RNF114: variants seen among roughly 807,000 people sequenced by gnomAD.
RNF114 encodes the protein E3 ubiquitin-protein ligase RNF114.
A neutral mutation model predicts 28.4 loss-of-function variants in RNF114; 6 were observed. The ratio of observed to expected loss-of-function variants is 0.21; its 90% CI spans 0.12 to 0.42. The LOEUF is 0.42. RNF114 is among the 10% of genes least tolerant of loss of function. The pLI, the probability that RNF114 is intolerant of heterozygous loss-of-function variation, is 1.00. For synonymous variants in RNF114, 115 were observed against 116.7 expected (o/e 0.99, Z 0.09); for missense variants, 249 against 311.7 (o/e 0.80, Z 1.51).
intron 4 of RNF114, among the ~76,000 whole-genome samples, chr20:49,947,096 T>G (rs1445500630): frequency 6.6e-6 from 1 of 151,674 alleles, no homozygotes; most frequent in Non-Finnish European, 1.5e-5. Flanking sequence ...GGCGGGCGCC[T>G]TTAATCCCAG....
chr20:49,952,144 A>ATCTGGTCTCC lies in RNF114; in HGVS notation c.*3_*4insTCTGGTCTCC. 6.2e-7 allele frequency: 1 copy of ATCTGGTCTCC among 1,613,090 alleles called. No homozygotes were observed. Among genetic ancestry groups the ATCTGGTCTCC allele is most frequent in the South Asian group, 1.1e-5 (1 of 91,060 alleles). ...AGCGCTCCATCATCGACCAGTGAGC[A>ATCTGGTCTCC]GAGTCCGTGCTTGCTATCTGTCTCA... On this transcript the variant is annotated 3_prime_UTR_variant, in exon 6 of 6. Transcript: ENST00000244061.
chr20:49,952,107 A>T lies in RNF114; in HGVS notation c.653A>T (p.Asn218Ile), dbSNP rs34356460. 1,725 of 1,613,644 alleles carry T rather than the reference A, an allele frequency of 1.1e-3. 19 individuals are homozygous for T. The African/African-American group carries it at 0.02, about 19-fold the overall frequency. Residue 218 changes from asparagine (N) to isoleucine (I), a missense_variant, in exon 6 of 6, where the codon AAT becomes ATT. Physicochemically the swap from Asn to Ile is moderately radical, Grantham distance 149. Coordinates refer to ENST00000244061, the MANE Select transcript of RNF114 (RefSeq NM_018683.4). ...GATGTTGATGAAGAGGACATGATGA[A>T]TCAGGTGTTGCAGCGCTCCATCATC... ...DYDVDEEDMM[N>I]QVLQRSIIDQ is the part of the protein sequence containing the mutation.
intron 2 of RNF114, chr20:49,942,118 GTGT>G (rs1031157062): frequency 6.0e-6 from 1 of 167,782 alleles, no homozygotes; most frequent in Non-Finnish European, 1.3e-5. Context: ...AATTAGCCGG[GTGT>G]GGTGGTATGT....
chr20:49,945,596 G>A (rs2090327257), intron 3 of RNF114, 108 bp downstream of exon 3: 2 of 662,196 alleles, frequency 3.0e-6, no homozygotes, highest in Non-Finnish European at 5.5e-6. Flanking sequence ...GGCTAAAGCT[G>A]ATACAAGTAT....
intron 1 of RNF114, among the ~76,000 whole-genome samples, chr20:49,938,089 C>G (rs2090294560): frequency 6.6e-6 from 1 of 152,194 alleles, no homozygotes; most frequent in African/African-American, 2.4e-5. Context: ...AAGCAAGCTT[C>G]ACGAGAGTTG....
intron 1 of RNF114, among the ~76,000 whole-genome samples, chr20:49,937,887 C>G (rs1034564862): frequency 4.6e-5 from 7 of 152,184 alleles, no homozygotes; most frequent in Non-Finnish European, 8.8e-5. Context: ...GGAATGGCCT[C>G]TGTGTGCCAG....
Position 49,953,792 on chromosome 20 carries a change from G to A in RNF114, c.*1651G>A, listed in dbSNP as rs2090365805. ...CTTCCTTGTATTAAGTGCACTTCTT[G>A]TATTTCTAATAAGATGACTTTCCAG... On this transcript the variant is annotated 3_prime_UTR_variant, in exon 6 of 6. Coordinates refer to ENST00000244061, the MANE Select transcript of RNF114 (RefSeq NM_018683.4). 2 of 152,026 alleles carry A rather than the reference G, an allele frequency of 1.3e-5. No individual in the cohort carries two copies. 9.4% of individuals were successfully genotyped at this position (152,026 alleles called of 1,614,324 possible).
rs367972337 is a variant in RNF114 at position 49,952,068 on chromosome 20, G to T, written c.622-8G>T. The T allele has an allele frequency of 3.7e-6, 6 of 1,611,010 alleles. No individual in the cohort carries two copies. In the African/African-American group the frequency reaches 8.0e-5, roughly 22 times the overall value. Reference sequence around the variant, plus strand: ...TTGCTGAGGCTGCATGTCTCTTTTTGCCCTTAGGATTATGATGTTGATGAA... The same window carrying T: ...TTGCTGAGGCTGCATGTCTCTTTTTTCCCTTAGGATTATGATGTTGATGAA... On this transcript the variant is annotated splice_region_variant and splice_polypyrimidine_tract_variant and intron_variant, in intron 5 of 5. Coordinates refer to ENST00000244061, the MANE Select transcript of RNF114 (RefSeq NM_018683.4).
intron 2 of RNF114, chr20:49,943,873 G>GAGATATATAT (rs367806875): frequency 2.5e-5 from 3 of 122,134 alleles, no homozygotes; most frequent in Non-Finnish European, 5.0e-5. Flanking sequence ...TACACACAGA[G>GAGATATATAT]ATATATATAT....
chr20:49,942,697 G>GC (rs1170695021), intron 2 of RNF114, among the ~76,000 whole-genome samples: 3 of 152,086 alleles, frequency 2.0e-5, no homozygotes, highest in Non-Finnish European at 4.4e-5. Context: ...GGTGGTGTGT[G>GC]CCCGTAGTCT....
chr20:49,949,133 C>T, intron 4 of RNF114, 115 bp from the exon 5 acceptor site: 3 of 793,350 alleles, frequency 3.8e-6, no homozygotes, highest in Non-Finnish European at 6.6e-6. Context: ...AGTTACTGGC[C>T]CTGGACAGTA....
chr20:49,945,566 G>A (rs1448508627), intron 3 of RNF114, 78 bp downstream of exon 3: 9 of 683,922 alleles, frequency 1.3e-5, no homozygotes, highest in African/African-American at 1.3e-4. Flanking sequence ...CAGGGGTTTA[G>A]TTGTATGAAT....
At chr20:49,946,660 C>A (rs997001966) in intron 4 of RNF114, among the ~76,000 whole-genome samples, 1 of 152,126 alleles carries the variant, frequency 6.6e-6, no homozygotes, top group Admixed American at 6.6e-5. Context: ...TCCCCCTCCC[C>A]CCAAGGCAGA....
At position 49,948,729 on chromosome 20, in the gene RNF114, G is replaced by T. The variant is rs1487178489; in HGVS notation, c.514-519G>T. ...TGGGATTACAAGTGTGAGCCACTGTGCCCGGCCTGGAGCACTCTTTCATGT... is the reference window on the plus strand; with the variant it reads ...TGGGATTACAAGTGTGAGCCACTGTTCCCGGCCTGGAGCACTCTTTCATGT... On this transcript the variant is annotated intron_variant, in intron 4 of 5. Coordinates refer to ENST00000244061, the MANE Select transcript of RNF114 (RefSeq NM_018683.4). Among the ~76,000 whole-genome samples, 4 of 152,182 alleles carry T rather than the reference G, an allele frequency of 2.6e-5. No homozygotes were observed. In the East Asian group the frequency reaches 5.8e-4, roughly 22 times the overall value.
chr20:49,941,608 T>C lies in RNF114; in HGVS notation c.188T>C (p.Val63Ala), dbSNP rs11550504. The C allele has an allele frequency of 6.2e-7, 1 of 1,612,214 alleles. No homozygotes were observed. Among genetic ancestry groups the C allele is most frequent in the Non-Finnish European group, 8.5e-7 (1 of 1,178,778 alleles). The stretch of plus-strand genomic sequence containing the variant: ...GAATGTCTGAAGCCGAAGAAGCCTG[T>C]CTGTGGGGTGTGTCGCAGCGCTCTG... ...LQECLKPKKP[V>A]CGVCRSALAP... Residue 63 changes from valine (V) to alanine (A), a missense_variant, in exon 2 of 6, where the codon GTC becomes GCC. Around this residue, in one of 2 missense-constraint regions of RNF114, gnomAD observed 123 missense variants for 106.4 expected, o/e 1.16. Transcript: ENST00000244061.
chr20:49,947,480 T>C (rs369940029), intron 4 of RNF114, among the ~76,000 whole-genome samples: 1 of 152,132 alleles, frequency 6.6e-6, no homozygotes, highest in Non-Finnish European at 1.5e-5. Context: ...CTAGGGCAGC[T>C]ATCAATGCTC....
chr20:49,940,368 C>T (rs1410474402), intron 1 of RNF114, among the ~76,000 whole-genome samples: 2 of 151,582 alleles, frequency 1.3e-5, no homozygotes, highest in South Asian at 2.1e-4. Context: ...CACATGAACA[C>T]CCAGTCCTCA....
intron 1 of RNF114, among the ~76,000 whole-genome samples, chr20:49,939,854 A>G (rs943573270): frequency 6.6e-6 from 1 of 151,998 alleles, no homozygotes; most frequent in Non-Finnish European, 1.5e-5. Flanking sequence ...CAGGAGTTCG[A>G]GACCAGCCTG....
chr20:49,952,003 C>A, intron 5 of RNF114, 73 bp from the exon 6 acceptor site: 1 of 1,327,054 alleles, frequency 7.5e-7, no homozygotes, highest in South Asian at 1.2e-5. Context: ...GCTAGGCTGT[C>A]CTGCTTCTAC....
Sources: gnomAD v4.1 joint callset for allele counts (sites outside exome capture counted in the v4.1 genomes callset) on GRCh38, gnomAD v4.1.1 for gene constraint, gnomAD v4.1.1 regional missense constraint, MANE v1.5 for transcripts, NCBI Gene and HGNC (gene_info 2026-07-23, HGNC 2026-07-21) for gene names.